The following PRKN variants were observed in gnomAD, a reference collection of about 807,000 sequenced individuals.
PRKN encodes parkin RBR E3 ubiquitin protein ligase.
Under a neutral mutation model 59.5 loss-of-function variants are expected in PRKN, and 56 were observed. That is an observed-to-expected ratio of 0.94 (90% CI 0.76 to 1.18). The LOEUF is 1.18. PRKN is among the 50% of genes most tolerant of loss of function. The pLI is 0.00. For missense variants in PRKN, 657 were observed against 596.4 expected (o/e 1.10, Z -1.06); for synonymous variants, 250 against 222.1 (o/e 1.13, Z -1.12).
At chr6:162,316,329 A>G (rs185329643) in intron 2 of PRKN, among the ~76,000 whole-genome samples, 5 of 152,132 alleles carry the variant, frequency 3.3e-5, no homozygotes, top group Admixed American at 6.5e-5. Flanking sequence ...GGGTTGATTG[A>G]GCCACAACCA....
intron 3 of PRKN, among the ~76,000 whole-genome samples, chr6:162,248,841 C>CA (rs1036500215): frequency 6.6e-6 from 1 of 151,702 alleles, no homozygotes; most frequent in Admixed American, 6.6e-5. Flanking sequence ...TCTTCTTCAT[C>CA]AGTATCACTT....
chr6:162,002,511 T>C (rs1235166349), intron 5 of PRKN, among the ~76,000 whole-genome samples: 1 of 152,114 alleles, frequency 6.6e-6, no homozygotes, highest in Admixed American at 6.6e-5. Context: ...TTTCCAATGT[T>C]AGTAATTTGT....
chr6:162,694,872 CTG>C (rs1357683631), intron 1 of PRKN: 1 of 152,172 alleles, frequency 6.6e-6, no homozygotes, highest in African/African-American at 2.4e-5. Context: ...CCTGGATGTT[CTG>C]TGTCGGATCT....
At chr6:162,059,051 C>T (rs1181069152) in intron 4 of PRKN, among the ~76,000 whole-genome samples, 1 of 151,382 alleles carries the variant, frequency 6.6e-6, no homozygotes, top group Non-Finnish European at 1.5e-5. Context: ...GACTTCTTAC[C>T]TCAAAGTCTA....
rs509495 is a variant in PRKN at position 161,549,199 on chromosome 6, T to A, written c.934-196A>T. On this transcript the variant is annotated intron_variant, in intron 8 of 11. Coordinates refer to ENST00000366898, the MANE Select transcript of PRKN (RefSeq NM_004562.3). This position sits in a 1 kb window ranked among gnomAD's most constrained non-coding sequence, Gnocchi z 6.0. ...GGAGGACGAATATGGTTCAATGCAG[T>A]AAAAGTCTACCAAATTCAACTGGCA... is the stretch of plus-strand genomic sequence containing the variant. Among the ~76,000 whole-genome samples the A allele has an allele frequency of 0.85, 129,522 of 152,090 alleles. 55,746 individuals are homozygous for A. Among genetic ancestry groups the A allele is most frequent in the African/African-American group, 0.96 (39,962 of 41,520 alleles).
intron 7 of PRKN, among the ~76,000 whole-genome samples, chr6:161,707,305 G>C (rs1786543596): frequency 6.6e-6 from 1 of 152,152 alleles, no homozygotes; most frequent in African/African-American, 2.4e-5. Flanking sequence ...ATTCTGAGTA[G>C]GTCGTTGCTG....
Position 161,410,053 on chromosome 6 carries a change from G to A in PRKN, c.1084-23176C>T, listed in dbSNP as rs576835395. The stretch of plus-strand genomic sequence containing the variant: ...CCTGTACCTGTGCTAGGATGCAAAA[G>A]ATCATAGGTGTAGGCTCTGGGCAGC... On this transcript the variant is annotated intron_variant, in intron 9 of 11. Transcript: ENST00000366898. This position sits in a 1 kb window ranked among gnomAD's most constrained non-coding sequence, Gnocchi z 5.3. 1.3e-5 allele frequency among the ~76,000 whole-genome samples: 2 copies of A among 152,178 alleles called. No individual in the cohort carries two copies. Among genetic ancestry groups the A allele is most frequent in the African/African-American group, 4.8e-5 (2 of 41,428 alleles).
chr6:162,597,281 C>A (rs1228955064), intron 1 of PRKN, among the ~76,000 whole-genome samples: 1 of 152,102 alleles, frequency 6.6e-6, no homozygotes, highest in Non-Finnish European at 1.5e-5. Flanking sequence ...GGCATTTTCT[C>A]CTAGGCCAAA....
At chr6:162,301,805 C>T (rs1266114983) in intron 2 of PRKN, among the ~76,000 whole-genome samples, 1 of 143,000 alleles carries the variant, frequency 7.0e-6, no homozygotes, top group African/African-American at 2.5e-5. Flanking sequence ...GCAGAATTCA[C>T]TTTCCCTGAA....
chr6:162,700,614 C>G (rs1040313128), intron 1 of PRKN, among the ~76,000 whole-genome samples: 3 of 152,088 alleles, frequency 2.0e-5, no homozygotes, highest in Non-Finnish European at 2.9e-5. Context: ...GTTAAAACAC[C>G]TAACCAATAA....
At chr6:161,431,493 A>G (rs1404057210) in intron 9 of PRKN, among the ~76,000 whole-genome samples, 2 of 152,134 alleles carry the variant, frequency 1.3e-5, no homozygotes, top group African/African-American at 2.4e-5. Flanking sequence ...ATCAATACTC[A>G]TATTTTATAT....
chr6:162,646,019 C>T (rs1005585893), intron 1 of PRKN, among the ~76,000 whole-genome samples: 8 of 151,784 alleles, frequency 5.3e-5, no homozygotes, highest in African/African-American at 1.2e-4. Context: ...GGACTTCAGG[C>T]GCCTGCCACC....
intron 7 of PRKN, among the ~76,000 whole-genome samples, chr6:161,726,612 C>G (rs1310700495): frequency 6.6e-6 from 1 of 152,028 alleles, no homozygotes; most frequent in Non-Finnish European, 1.5e-5. Context: ...CTAAATGATC[C>G]TCTACTTAGT....
chr6:162,175,083 T>C (rs1783471082), intron 4 of PRKN, among the ~76,000 whole-genome samples: 1 of 152,174 alleles, frequency 6.6e-6, no homozygotes, highest in Non-Finnish European at 1.5e-5. Flanking sequence ...AGCCTGAAAG[T>C]TGATTAATCG....
chr6:162,033,280 C>G (rs1448638853), intron 5 of PRKN, among the ~76,000 whole-genome samples: 1 of 152,174 alleles, frequency 6.6e-6, no homozygotes, highest in Non-Finnish European at 1.5e-5. Flanking sequence ...TACCTTCAGT[C>G]TTAAAAACTT....
intron 1 of PRKN, among the ~76,000 whole-genome samples, chr6:162,628,788 G>A (rs1782994832): frequency 6.6e-6 from 1 of 152,090 alleles, no homozygotes; most frequent in African/African-American, 2.4e-5. Flanking sequence ...TCTAATGAAT[G>A]CTTTAATGAA....
At chr6:162,491,882 C>G (rs941798459) in intron 1 of PRKN, among the ~76,000 whole-genome samples, 1 of 152,164 alleles carries the variant, frequency 6.6e-6, no homozygotes, top group Admixed American at 6.5e-5. Flanking sequence ...CACGTGTTCC[C>G]TGAGAAATAA....
intron 1 of PRKN, among the ~76,000 whole-genome samples, chr6:162,716,458 T>C (rs1254183691): frequency 1.1e-4 from 17 of 152,206 alleles, no homozygotes; most frequent in Admixed American, 1.1e-3. Flanking sequence ...ATGAAGTGTC[T>C]AACGCTCATA....
At chr6:161,923,835 G>A (rs147048819) in intron 6 of PRKN, among the ~76,000 whole-genome samples, 2 of 152,240 alleles carry the variant, frequency 1.3e-5, no homozygotes, top group East Asian at 3.9e-4. Context: ...AGACCCTTCA[G>A]AACGTGGCCC....
Sources: gnomAD v4.1 joint callset for allele counts (sites outside exome capture counted in the v4.1 genomes callset) on GRCh38, gnomAD v4.1.1 for gene constraint, Gnocchi (gnomAD v3.1) non-coding constraint, MANE v1.5 for transcripts, NCBI Gene and HGNC (gene_info 2026-07-23, HGNC 2026-07-21) for gene names.